Variants in C6 observed in about 807,000 individuals in gnomAD.
C6 encodes complement C6.
A neutral mutation model predicts 112.9 loss-of-function variants in C6; 101 were observed. The ratio of observed to expected loss-of-function variants is 0.89; its 90% confidence interval spans 0.76 to 1.06. The LOEUF (loss-of-function observed/expected upper bound fraction) is 1.06, where lower values mean the gene tolerates loss of function less well. C6 is among the 50% of genes least tolerant of loss of function. The pLI, the probability that C6 is intolerant of heterozygous loss-of-function variation, is 0.00. For synonymous variants in C6, 431 were observed against 384.1 expected (o/e 1.12, Z -1.43); for missense variants, 1,202 against 1,104.6 (o/e 1.09, Z -1.25).
At position 41,199,854 on chromosome 5, in the gene C6, G is replaced by A. The variant is rs752856257; in HGVS notation, c.359C>T (p.Pro120Leu). Residue 120 changes from proline to leucine, a missense_variant, in exon 4 of 18, where the codon CCT becomes CTT. By Grantham distance (98) the Pro-to-Leu change is moderately conservative (BLOSUM62 -3). Transcript: ENST00000337836. ...AATGCATGGTTGAAAGGCTACCAGA[G>A]GCGCAGTGCATGGCTGTCCCCCAAA... Reference protein sequence around the residue: ...SQFGGQPCTAPLVAFQPCIPS... With the variant: ...SQFGGQPCTALLVAFQPCIPS... 9 of 1,613,610 alleles carry A rather than the reference G, an allele frequency of 5.6e-6. No individual in the cohort carries two copies. Among genetic ancestry groups the A allele is most frequent in the Non-Finnish European group, 7.6e-6 (9 of 1,179,610 alleles).
intron 1 of C6, chr5:41,203,503 T>C (rs1188898597): frequency 9.0e-6 from 4 of 444,860 alleles, no homozygotes; most frequent in Non-Finnish European, 1.7e-5. Flanking sequence ...AGTGATAGGC[T>C]ACAAGACAAA....
intron 1 of C6, among the ~76,000 whole-genome samples, chr5:41,259,532 A>G (rs994872173): frequency 2.6e-5 from 4 of 152,082 alleles, no homozygotes. Flanking sequence ...AAAAAAAAAA[A>G]AAATCTCTGT....
At position 41,181,532 on chromosome 5, in the gene C6, T is replaced by C. The variant is rs1216476092; in HGVS notation, c.754A>G (p.Thr252Ala). The part of the protein sequence containing the change: ...EVQTAEDDLK[T>A]DFYKDLTSLG... ...GAAGTTAAATCCTTGTAGAAATCTG[T>C]TTTCAAGTCATCTTCTGCAGTTTGT... is the stretch of plus-strand genomic sequence containing the variant. Residue 252 changes from threonine (T) to alanine (A), a missense_variant, in exon 7 of 18, where the codon ACA (threonine) becomes GCA (alanine). By Grantham distance (58) the Thr-to-Ala change is moderately conservative. Transcript: ENST00000337836. The C allele has an allele frequency of 6.2e-7, 1 of 1,613,410 alleles. No homozygotes were observed. The highest frequency in any genetic ancestry group is 1.3e-5 in the African/African-American group (1 of 74,904).
At chr5:41,196,280 T>C (rs183585564) in intron 4 of C6, among the ~76,000 whole-genome samples, 173 of 151,996 alleles carry the variant, frequency 1.1e-3, no homozygotes, top group South Asian at 2.5e-3. Flanking sequence ...GATGGGAGAC[T>C]CAAGGTCACT....
At chr5:41,242,962 G>A (rs10068381) in intron 1 of C6, among the ~76,000 whole-genome samples, 2 of 151,986 alleles carry the variant, frequency 1.3e-5, no homozygotes, top group South Asian at 2.1e-4. Context: ...ACTCATAGAC[G>A]CAGAGAGTAG....
In C6 at chr5:41,165,161, GTAGT is replaced by G. The variant is rs547810046; in HGVS notation, c.1292-3306_1292-3303del. The stretch of plus-strand genomic sequence containing the variant: ...GCATTCATCTATCTTGTTTGTAGTA[GTAGT>G]TAATTCATATCATAATTTGCTCATT... On this transcript the variant is annotated intron_variant, in intron 9 of 17. Coordinates refer to ENST00000337836, the MANE Select transcript of C6 (RefSeq NM_000065.5). Among the ~76,000 whole-genome samples the G allele has an allele frequency of 2.0e-5, 3 of 152,252 alleles. No individual in the cohort carries two copies. The East Asian group carries it at 5.8e-4, about 29-fold the overall frequency.
chr5:41,217,479 C>T (rs1054189784), upstream of C6, among the ~76,000 whole-genome samples: 1 of 152,094 alleles, frequency 6.6e-6, no homozygotes. Context: ...CAAATGTGCC[C>T]TTAGCTAAAT....
chr5:41,145,493 G>A (rs1182191136), intron 17 of C6, among the ~76,000 whole-genome samples: 1 of 152,140 alleles, frequency 6.6e-6, no homozygotes, highest in Admixed American at 6.6e-5. Flanking sequence ...AATTCATGTT[G>A]CCAAAATACC....
chr5:41,204,913 C>A (rs914191681), intron 1 of C6, among the ~76,000 whole-genome samples: 8 of 152,044 alleles, frequency 5.3e-5, no homozygotes, highest in African/African-American at 1.9e-4. Context: ...TCGTGATCAG[C>A]CCACCTCGGC....
intron 11 of C6, among the ~76,000 whole-genome samples, 195 bp downstream of exon 11, chr5:41,159,947 C>T (rs562258248): frequency 1.3e-5 from 2 of 152,256 alleles, no homozygotes; most frequent in South Asian, 2.1e-4. Context: ...CATAGGGAAG[C>T]TGGGTAACTT....
chr5:41,143,327 C>T (rs1020403516), intron 17 of C6, among the ~76,000 whole-genome samples: 9 of 152,200 alleles, frequency 5.9e-5, no homozygotes, highest in Non-Finnish European at 1.0e-4. Context: ...CCCCGTCTCA[C>T]TGTCCACATC....
chr5:41,143,653 C>A (rs926883126), intron 17 of C6, among the ~76,000 whole-genome samples: 9 of 152,150 alleles, frequency 5.9e-5, no homozygotes, highest in Admixed American at 5.2e-4. Context: ...AAGCCCTTTG[C>A]GCATTGCCAC....
chr5:41,154,097 T>A, intron 14 of C6, 99 bp from the exon 15 acceptor site: 1 of 976,666 alleles, frequency 1.0e-6, no homozygotes, highest in South Asian at 1.4e-5. Context: ...TGATGAGATT[T>A]ACTGCATCTG....
intron 1 of C6, among the ~76,000 whole-genome samples, chr5:41,256,699 T>C (rs1235475403): frequency 2.0e-5 from 3 of 152,218 alleles, no homozygotes; most frequent in Non-Finnish European, 4.4e-5. Flanking sequence ...CTCAATAATG[T>C]TGCCAACTGC....
chr5:41,149,695 C>T (rs1177692183), intron 16 of C6, among the ~76,000 whole-genome samples: 2 of 152,088 alleles, frequency 1.3e-5, no homozygotes, highest in African/African-American at 2.4e-5. Flanking sequence ...GTCTTTAAAA[C>T]CAAAATGAGA....
intron 11 of C6, chr5:41,159,551 T>C (rs3830072): frequency 0.16 from 107,425 of 656,596 alleles, 8,189 homozygotes; most frequent in East Asian, 0.33. Context: ...CTTTTAAAAA[T>C]GTGCACTCAT....
chr5:41,256,415 A>G (rs943384297), intron 1 of C6, among the ~76,000 whole-genome samples: 7 of 146,636 alleles, frequency 4.8e-5, no homozygotes, highest in African/African-American at 1.8e-4. Context: ...ATACCCTAAA[A>G]CTTAAAGTAT....
At chr5:41,193,041 T>C (rs984257868) in intron 5 of C6, among the ~76,000 whole-genome samples, 3 of 152,184 alleles carry the variant, frequency 2.0e-5, no homozygotes, top group Admixed American at 2.0e-4. Context: ...GGCATGCAAA[T>C]TACATCTCAA....
At chr5:41,173,296 G>A (rs1211698244) in intron 8 of C6, among the ~76,000 whole-genome samples, 1 of 152,126 alleles carries the variant, frequency 6.6e-6, no homozygotes, top group Non-Finnish European at 1.5e-5. Flanking sequence ...ATCATTTGTT[G>A]AAGATTTGGG....
Sources: gnomAD v4.1 joint callset for allele counts (sites outside exome capture counted in the v4.1 genomes callset) on GRCh38, gnomAD v4.1.1 for gene constraint, MANE v1.5 for transcripts, NCBI Gene and HGNC (gene_info 2026-07-23, HGNC 2026-07-21) for gene names.